PCDH15: variants seen among roughly 807,000 people sequenced by gnomAD.
The protein encoded by PCDH15 is protocadherin related 15, also known as protocadherin-15.
PCDH15 carries 129 observed loss-of-function variants against 178.5 expected under a neutral mutation model. The ratio of observed to expected loss-of-function variants is 0.72; its 90% CI spans 0.63 to 0.84. The LOEUF (loss-of-function observed/expected upper bound fraction) is 0.84. Ranked by LOEUF, PCDH15 falls within the 40% of genes least tolerant of loss-of-function variation. The probability of loss-of-function intolerance (pLI) is 0.00; values close to 1 mark genes in which losing one functional copy is unlikely to be tolerated. For synonymous variants in PCDH15, 800 were observed against 732.0 expected (o/e 1.09, Z -1.50); for missense variants, 2,230 against 2,099.9 (o/e 1.06, Z -1.21).
At chr10:54,991,994 TA>T (rs1367247836) in intron 2 of PCDH15, among the ~76,000 whole-genome samples, 1 of 152,110 alleles carries the variant, frequency 6.6e-6, no homozygotes, top group Non-Finnish European at 1.5e-5. Flanking sequence ...TTTCAGTTTG[TA>T]ACATGCTTTC....
At chr10:53,983,646 T>G (rs549505740) in intron 21 of PCDH15, among the ~76,000 whole-genome samples, 1 of 152,292 alleles carries the variant, frequency 6.6e-6, no homozygotes, top group South Asian at 2.1e-4. Context: ...TTTTCAAAGG[T>G]AAACGTAACT....
At chr10:55,123,031 A>T (rs1344452641) in intron 2 of PCDH15, among the ~76,000 whole-genome samples, 1 of 152,110 alleles carries the variant, frequency 6.6e-6, no homozygotes, top group Non-Finnish European at 1.5e-5. Flanking sequence ...TTCAATACAG[A>T]GAGAAAATGC....
intron 2 of PCDH15, among the ~76,000 whole-genome samples, chr10:55,359,747 T>TATATATATACACAC (rs1491280747): frequency 7.3e-5 from 6 of 81,656 alleles, no homozygotes; most frequent in African/African-American, 1.4e-4. Context: ...TATATATATA[T>TATATATATACACAC]ACACACACAC....
intron 20 of PCDH15, among the ~76,000 whole-genome samples, chr10:54,008,261 G>C (rs2135118205): frequency 6.6e-6 from 1 of 152,240 alleles, no homozygotes; most frequent in Middle Eastern, 3.4e-3. Flanking sequence ...AGGACGCCTT[G>C]ACCAAAGGAA....
chr10:54,579,311 C>T (rs1414753041), intron 2 of PCDH15, among the ~76,000 whole-genome samples: 1 of 151,730 alleles, frequency 6.6e-6, no homozygotes, highest in Non-Finnish European at 1.5e-5. Flanking sequence ...ATGTATCATG[C>T]AAATGAAAAA....
chr10:54,659,352 G>A (rs2094455438), intron 2 of PCDH15, among the ~76,000 whole-genome samples: 1 of 152,144 alleles, frequency 6.6e-6, no homozygotes, highest in African/African-American at 2.4e-5. Flanking sequence ...TGCATGGAAC[G>A]TTCTCTAAAA....
intron 9 of PCDH15, among the ~76,000 whole-genome samples, chr10:54,216,193 C>T (rs1013705409): frequency 6.6e-6 from 1 of 152,002 alleles, no homozygotes; most frequent in African/African-American, 2.4e-5. Context: ...CAGTGGCTCA[C>T]GTCTGTAATC....
chr10:54,768,103 T>C (rs1948713822), intron 1 of PCDH15, among the ~76,000 whole-genome samples: 1 of 152,202 alleles, frequency 6.6e-6, no homozygotes, highest in South Asian at 2.1e-4. Flanking sequence ...AATTTTTTTC[T>C]ATTAAAATGT....
intron 6 of PCDH15, among the ~76,000 whole-genome samples, chr10:54,343,375 C>A (rs1186254103): frequency 1.3e-5 from 2 of 152,086 alleles, no homozygotes. Flanking sequence ...ATGTTCCTTC[C>A]TCCCCCTTTC....
chr10:55,119,076 TGCTTCACCA>T (rs1053066715), intron 2 of PCDH15, among the ~76,000 whole-genome samples: 1 of 152,182 alleles, frequency 6.6e-6, no homozygotes, highest in Non-Finnish European at 1.5e-5. Context: ...TCACATCCTT[TGCTTCACCA>T]GCTGCCTCTG....
At chr10:54,583,374 T>G (rs570081838) in intron 2 of PCDH15, among the ~76,000 whole-genome samples, 2 of 152,212 alleles carry the variant, frequency 1.3e-5, no homozygotes, top group East Asian at 3.9e-4. Context: ...TTCCTCCATT[T>G]TATTTTACTA....
At position 55,012,767 on chromosome 10, in the gene PCDH15, A is replaced by G. The variant is rs146645489; in HGVS notation, c.-79-115267T>C. 1.2e-4 allele frequency among the ~76,000 whole-genome samples: 18 copies of G among 152,150 alleles called. No homozygotes were observed. In the East Asian group the frequency reaches 3.1e-3, roughly 26 times the overall value. On this transcript the variant is annotated intron_variant, in intron 2 of 5. Transcript: ENST00000458638. Reference sequence around the variant, plus strand: ...TACTTAACGACCATTACATTTTAACATATGTCAGGACAGTGCAAGGCCCCT... The same window carrying G: ...TACTTAACGACCATTACATTTTAACGTATGTCAGGACAGTGCAAGGCCCCT...
intron 2 of PCDH15, among the ~76,000 whole-genome samples, chr10:55,483,180 A>G (rs1840219680): frequency 6.6e-6 from 1 of 151,884 alleles, no homozygotes; most frequent in Non-Finnish European, 1.5e-5. Context: ...GAAACTGTCA[A>G]CAGAATAAAC....
intron 2 of PCDH15, among the ~76,000 whole-genome samples, chr10:55,395,901 T>C (rs1837916812): frequency 6.6e-6 from 1 of 152,084 alleles, no homozygotes; most frequent in Non-Finnish European, 1.5e-5. Context: ...CATCCCAGCA[T>C]ATAAAAGATA....
intron 17 of PCDH15, among the ~76,000 whole-genome samples, chr10:54,077,472 T>C (rs928513529): frequency 1.3e-4 from 20 of 152,206 alleles, no homozygotes; most frequent in African/African-American, 4.3e-4. Flanking sequence ...TTCTAGCTAA[T>C]ATTACTGCCA....
chr10:54,369,059 T>G, intron 5 of PCDH15, 61 bp downstream of exon 5: 2 of 1,543,922 alleles, frequency 1.3e-6, no homozygotes, highest in Non-Finnish European at 8.9e-7. Flanking sequence ...AAACATTTAT[T>G]GTATATAGTT....
chr10:54,523,115 C>T (rs966989647), intron 3 of PCDH15, among the ~76,000 whole-genome samples: 1 of 152,090 alleles, frequency 6.6e-6, no homozygotes, highest in East Asian at 1.9e-4. Flanking sequence ...TAGTGCTAAC[C>T]AGGTCAGCAT....
chr10:54,172,716 C>G (rs1404438660), intron 13 of PCDH15, among the ~76,000 whole-genome samples: 1 of 151,756 alleles, frequency 6.6e-6, no homozygotes. Flanking sequence ...TATATAGAAC[C>G]ATAAGTATGA....
At chr10:54,078,585 T>A (rs1047102521) in intron 17 of PCDH15, among the ~76,000 whole-genome samples, 2 of 151,352 alleles carry the variant, frequency 1.3e-5, no homozygotes, top group Non-Finnish European at 2.9e-5. Flanking sequence ...CATAAGCACC[T>A]GATTGAAAAA....
Sources: gnomAD v4.1 joint callset for allele counts (sites outside exome capture counted in the v4.1 genomes callset) on GRCh38, gnomAD v4.1.1 for gene constraint, MANE v1.5 for transcripts, NCBI Gene and HGNC (gene_info 2026-07-23, HGNC 2026-07-21) for gene names.